CFAP70: variants seen among roughly 807,000 people sequenced by gnomAD.
The protein encoded by CFAP70 is cilia- and flagella-associated protein 70.
Under a neutral mutation model 137.6 loss-of-function variants are expected in CFAP70, and 81 were observed. The observed-to-expected ratio is 0.59, with a 90% CI of 0.49 to 0.71. CFAP70 has a LOEUF of 0.71. CFAP70 is among the 30% of genes least tolerant of loss of function. CFAP70 has a pLI of 0.00. For synonymous variants in CFAP70, 382 were observed against 423.6 expected (o/e 0.90, Z 1.20); for missense variants, 976 against 1,226.7 (o/e 0.80, Z 3.05).
chr10:73,345,969 G>A (rs771881366), intron 4 of CFAP70, among the ~76,000 whole-genome samples: 5 of 150,444 alleles, frequency 3.3e-5, no homozygotes, highest in South Asian at 2.1e-4. Context: ...GCATGATCTC[G>A]GCTCACTGCA....
chr10:73,318,719 T>C (rs1254523063), intron 9 of CFAP70, among the ~76,000 whole-genome samples: 1 of 152,238 alleles, frequency 6.6e-6, no homozygotes, highest in African/African-American at 2.4e-5. Flanking sequence ...GAATGGGTTA[T>C]CAAACCTCAT....
chr10:73,353,786 G>T lies in CFAP70; in HGVS notation c.64-44C>A, dbSNP rs1206876599. The T allele has an allele frequency of 5.1e-6, 8 of 1,580,624 alleles. No homozygotes were observed. The African/African-American group carries it at 1.1e-4, about 22-fold the overall frequency. ...CACTTTACAATTATATTCAAATAGA[G>T]AATTTTCCCACACATCTGGTAACCC... On this transcript the variant is annotated intron_variant, in intron 2 of 26. Coordinates refer to ENST00000310715, the Ensembl canonical transcript of CFAP70.
chr10:73,297,167 C>T, exon 15 of CFAP70: 1 of 1,611,836 alleles, frequency 6.2e-7, no homozygotes, highest in Non-Finnish European at 8.5e-7. Context: ...ATCTTTACCA[C>T]AGCATGCTGC....
chr10:73,322,843 T>C, intron 9 of CFAP70, 120 bp downstream of exon 10: 1 of 805,774 alleles, frequency 1.2e-6, no homozygotes, highest in Non-Finnish European at 1.8e-6. Flanking sequence ...ATATATTTAA[T>C]ATCCTAGTAT....
At chr10:73,342,910 A>T (rs2053378241) in intron 5 of CFAP70, among the ~76,000 whole-genome samples, 1 of 151,960 alleles carries the variant, frequency 6.6e-6, no homozygotes, top group Admixed American at 6.6e-5. Flanking sequence ...CCCCATCTCT[A>T]CTAAAAATAC....
At chr10:73,270,199 C>T (rs994469658) in intron 24 of CFAP70, among the ~76,000 whole-genome samples, 2 of 152,004 alleles carry the variant, frequency 1.3e-5, no homozygotes, top group East Asian at 3.9e-4. Context: ...AGCTTTCTTT[C>T]CCCTAGTATC....
chr10:73,273,949 T>C (rs899062006), intron 23 of CFAP70, among the ~76,000 whole-genome samples: 1 of 152,134 alleles, frequency 6.6e-6, no homozygotes, highest in Non-Finnish European at 1.5e-5. Flanking sequence ...AAAAGAAAGG[T>C]TTTGTTTTTC....
At chr10:73,307,324 C>A (rs2049465409) in intron 12 of CFAP70, among the ~76,000 whole-genome samples, 1 of 152,028 alleles carries the variant, frequency 6.6e-6, no homozygotes, top group Non-Finnish European at 1.5e-5. Context: ...GACATGAAGA[C>A]AACAAACAGA....
At chr10:73,305,314 T>C (rs1426039834) in intron 12 of CFAP70, among the ~76,000 whole-genome samples, 1 of 152,234 alleles carries the variant, frequency 6.6e-6, no homozygotes, top group Admixed American at 6.5e-5. Flanking sequence ...AGACATATAA[T>C]AGACCACCTA....
At chr10:73,293,534 T>G in intron 15 of CFAP70, 146 bp from the exon 17 acceptor site, 1 of 614,686 alleles carries the variant, frequency 1.6e-6, no homozygotes, top group African/African-American at 1.9e-5. Flanking sequence ...GCCAAAAAAG[T>G]AAAAGAATAA....
At chr10:73,338,451 T>A (rs1013632722) in intron 6 of CFAP70, among the ~76,000 whole-genome samples, 11 of 144,574 alleles carry the variant, frequency 7.6e-5, no homozygotes, top group African/African-American at 2.6e-4. Context: ...TTTTTTTTTT[T>A]AGACAGTCTC....
At chr10:73,307,102 G>T (rs188996272) in intron 12 of CFAP70, among the ~76,000 whole-genome samples, 1 of 152,124 alleles carries the variant, frequency 6.6e-6, no homozygotes, top group Admixed American at 6.6e-5. Context: ...ATGTATAGGA[G>T]CAGAGTGTAT....
chr10:73,277,095 CT>C lies in CFAP70; in HGVS notation c.2520+144del, dbSNP rs2046813145. 3 of 1,028,992 alleles carry C rather than the reference CT, an allele frequency of 2.9e-6. No homozygotes were observed. The Admixed American group carries it at 8.4e-5, about 29-fold the overall frequency. 63.7% of individuals were successfully genotyped at this position (1,028,992 alleles called of 1,614,324 possible). ...AAAGAGTGGTTCATGTTTGGATGTT[CT>C]TTCCATTGGGCTTAAAGTATGCTCT... On this transcript the variant is annotated intron_variant, in intron 21 of 26. Coordinates refer to ENST00000310715, the Ensembl canonical transcript of CFAP70.
At chr10:73,334,526 G>A (rs1362142778) in intron 7 of CFAP70, among the ~76,000 whole-genome samples, 1 of 151,952 alleles carries the variant, frequency 6.6e-6, no homozygotes, top group East Asian at 1.9e-4. Flanking sequence ...CAAAAGGAAA[G>A]ACGGAGCCTG....
At chr10:73,342,651 T>C (rs1273207806) in intron 5 of CFAP70, among the ~76,000 whole-genome samples, 1 of 152,164 alleles carries the variant, frequency 6.6e-6, no homozygotes, top group Non-Finnish European at 1.5e-5. Flanking sequence ...GGAAGTTCTA[T>C]TTCCAACACT....
chr10:73,275,563 G>A lies in CFAP70; in HGVS notation c.2556C>T (p.Cys852=). Residue 852 remains cysteine, a synonymous_variant, in exon 22 of 27, where the codon TGC becomes TGT. Transcript: ENST00000310715. The surrounding 1 kb of genome is among the most constrained non-coding windows in gnomAD (Gnocchi z 4.0). The stretch of plus-strand genomic sequence containing the variant: ...ATTCACAGCTGGGGCCTCCTTGAGG[G>A]CATAACAGCTCATGTGCAAGCACTC... The A allele has an allele frequency of 1.2e-6, 2 of 1,609,010 alleles. No individual in the cohort carries two copies. The highest frequency in any genetic ancestry group is 1.7e-6 in the Non-Finnish European group (2 of 1,177,982).
At chr10:73,302,640 CTTTT>C (rs139135476) in intron 12 of CFAP70, among the ~76,000 whole-genome samples, 3,112 of 152,172 alleles carry the variant, frequency 0.02, 92 homozygotes, top group African/African-American at 0.071. Context: ...AATTATCAAG[CTTTT>C]TTTATTTCAG....
chr10:73,260,495 A>C (rs1398006706), intron 25 of CFAP70, among the ~76,000 whole-genome samples: 1 of 150,266 alleles, frequency 6.7e-6, no homozygotes. Context: ...TAGTGTCTTT[A>C]TAAAAAAATA....
intron 25 of CFAP70, among the ~76,000 whole-genome samples, chr10:73,262,980 A>C (rs1312140955): frequency 6.6e-6 from 1 of 152,240 alleles, no homozygotes; most frequent in South Asian, 2.1e-4. Context: ...ATTCTCCTCT[A>C]TAACCACAGT....
Sources: gnomAD v4.1 joint callset for allele counts (sites outside exome capture counted in the v4.1 genomes callset) on GRCh38, gnomAD v4.1.1 for gene constraint, Gnocchi (gnomAD v3.1) non-coding constraint, MANE v1.5 for transcripts, NCBI Gene and HGNC (gene_info 2026-07-23, HGNC 2026-07-21) for gene names.